The following CPNE1 variants were observed in gnomAD, a reference collection of about 807,000 sequenced individuals.
The protein encoded by CPNE1 is copine 1.
A neutral mutation model predicts 63.2 loss-of-function variants in CPNE1; 58 were observed. The observed-to-expected ratio is 0.92, with a 90% confidence interval of 0.74 to 1.14. CPNE1 has a LOEUF of 1.14. Among genes scored for constraint, CPNE1 ranks in the 50% most tolerant of loss-of-function variants. CPNE1 has a pLI of 0.00. For synonymous variants in CPNE1, 237 were observed against 249.0 expected (o/e 0.95, Z 0.45); for missense variants, 672 against 661.7 (o/e 1.02, Z -0.17).
At chr20:35,630,570 T>C (rs2032055487) in intron 12 of CPNE1, 80 bp from the exon 13 acceptor site, 5 of 1,530,718 alleles carry the variant, frequency 3.3e-6, no homozygotes, top group Non-Finnish European at 1.8e-6. Flanking sequence ...TGTGCCAAGA[T>C]TCCTATAGGA....
At chr20:35,638,965 G>C (rs999669007) in intron 1 of CPNE1, among the ~76,000 whole-genome samples, 2 of 152,124 alleles carry the variant, frequency 1.3e-5, no homozygotes, top group Non-Finnish European at 2.9e-5. Flanking sequence ...CTGAGCAGAG[G>C]CAGAGAGCTC....
chr20:35,650,712 C>G (rs2033446258), intron 1 of CPNE1: 1 of 152,574 alleles, frequency 6.6e-6, no homozygotes, highest in Non-Finnish European at 1.5e-5. Flanking sequence ...ACTGTCAATC[C>G]TCTAAGATTG....
chr20:35,663,055 T>C (rs2034322300), intron 1 of CPNE1, among the ~76,000 whole-genome samples: 2 of 152,236 alleles, frequency 1.3e-5, no homozygotes, highest in East Asian at 1.9e-4. Context: ...ATCTTCATTG[T>C]TTTGTATAAA....
At chr20:35,654,907 G>C in intron 1 of CPNE1, 1 of 1,614,168 alleles carries the variant, frequency 6.2e-7, no homozygotes, top group Non-Finnish European at 8.5e-7. Context: ...TTCATGAACA[G>C]AAGTGGTGGC....
At chr20:35,633,939 A>G in intron 1 of CPNE1, among the ~76,000 whole-genome samples, 1 of 141,740 alleles carries the variant, frequency 7.1e-6, no homozygotes. Context: ...AGCCTGGGCA[A>G]CAAGAGCAAG....
At chr20:35,647,512 T>G (rs1033451775) in intron 1 of CPNE1, 3 of 151,816 alleles carry the variant, frequency 2.0e-5, no homozygotes, top group African/African-American at 7.3e-5. Flanking sequence ...TTCCCAGCAC[T>G]CTTTCCTGCC....
chr20:35,661,714 G>A (rs190041093), intron 1 of CPNE1, among the ~76,000 whole-genome samples: 33 of 152,200 alleles, frequency 2.2e-4, no homozygotes, highest in Admixed American at 2.0e-3. Context: ...TAATCACTTG[G>A]AATTTCAGAA....
intron 1 of CPNE1, among the ~76,000 whole-genome samples, chr20:35,633,797 A>T (rs964305432): frequency 1.3e-5 from 2 of 151,884 alleles, no homozygotes. Flanking sequence ...TACTAAAAAA[A>T]AAAATACAAA....
intron 13 of CPNE1, among the ~76,000 whole-genome samples, chr20:35,628,151 G>A (rs1390972318): frequency 2.0e-5 from 3 of 152,014 alleles, no homozygotes; most frequent in Non-Finnish European, 4.4e-5. Flanking sequence ...CGGGCGTGGT[G>A]GTGGGCGCCT....
chr20:35,637,196 G>T (rs751049345), intron 1 of CPNE1, among the ~76,000 whole-genome samples: 4 of 151,694 alleles, frequency 2.6e-5, no homozygotes, highest in Non-Finnish European at 4.4e-5. Context: ...AGTCTCTTGC[G>T]TCCTGCTTGG....
intron 1 of CPNE1, 27 bp from the exon 2 acceptor site, chr20:35,632,950 A>G (rs1240388704): frequency 4.7e-6 from 4 of 860,166 alleles, no homozygotes; most frequent in Non-Finnish European, 8.1e-6. Context: ...TGGGTCAAGC[A>G]CCAGGGAGCC....
intron 1 of CPNE1, chr20:35,652,497 C>A (rs758012995): frequency 1.3e-6 from 2 of 1,590,012 alleles, no homozygotes; most frequent in South Asian, 2.3e-5. Flanking sequence ...ATATGAAGAT[C>A]TACCCTATAA....
In CPNE1 at chr20:35,627,285, C is replaced by T. The variant is rs775874171; in HGVS notation, c.1231G>A (p.Ala411Thr). Reference protein sequence around the residue: ...FAAQAAHQGTASQYFMLLLLT... With the variant: ...FAAQAAHQGTTSQYFMLLLLT... Reference sequence around the variant, plus strand: ...CTGCCACCCACGACTCTCACCGAGGCAGTCCCCTGATGTGCAGCCTGGGCT... The same window carrying T: ...CTGCCACCCACGACTCTCACCGAGGTAGTCCCCTGATGTGCAGCCTGGGCT... The change falls in exon 14 of 16, where the codon GCC becomes ACC. Residue 411 changes from alanine (A) to threonine (T), a missense_variant. Transcript: ENST00000397443. The T allele has an allele frequency of 6.2e-6, 10 of 1,612,828 alleles. No homozygotes were observed. Among genetic ancestry groups the T allele is most frequent in the Non-Finnish European group, 8.5e-6 (10 of 1,179,478 alleles).
intron 1 of CPNE1, among the ~76,000 whole-genome samples, chr20:35,661,798 C>G (rs1036942435): frequency 3.9e-5 from 6 of 152,342 alleles, no homozygotes; most frequent in African/African-American, 1.4e-4. Context: ...CACTCTTCAT[C>G]TGGTAGTAAA....
At chr20:35,653,412 CTT>C in intron 1 of CPNE1, 1 of 1,614,092 alleles carries the variant, frequency 6.2e-7, no homozygotes, top group Non-Finnish European at 8.5e-7. Flanking sequence ...TCTTTAATCC[CTT>C]TTTTCCTTGG....
rs1286484574 is a variant in CPNE1 at position 35,631,680 on chromosome 20, C to T, written c.627+8G>A. On this transcript the variant is annotated splice_region_variant and intron_variant, in intron 7 of 15. Coordinates refer to ENST00000397443, the MANE Select transcript of CPNE1 (RefSeq NM_152925.3). The stretch of plus-strand genomic sequence containing the variant: ...CAGCGCAGTCCACTTAGGGGGCAAG[C>T]TCCTCACCTGGATGGGTGTGCTGGG... 1 of 1,613,840 alleles carries T rather than the reference C, an allele frequency of 6.2e-7. No homozygotes were observed. The highest frequency in any genetic ancestry group is 1.3e-5 in the African/African-American group (1 of 75,012).
At chr20:35,655,187 C>T (rs772736032) in intron 1 of CPNE1, 7 of 1,614,140 alleles carry the variant, frequency 4.3e-6, no homozygotes, top group East Asian at 2.2e-5. Flanking sequence ...GTGGCAAAAA[C>T]GATGAAAGCC....
chr20:35,650,911 G>A (rs1228156683), intron 1 of CPNE1: 1 of 152,602 alleles, frequency 6.6e-6, no homozygotes, highest in African/African-American at 2.4e-5. Context: ...TGTAGGAAAT[G>A]TTGGGGATGT....
In CPNE1 at chr20:35,651,597, C is replaced by G. The variant is rs1030740252; in HGVS notation, c.-1+13163G>C. ...TTTAAAGGCCAAAATTTCACATAAT[C>G]GGGACAGGAGGAAATTGATACTACA... On this transcript the variant is annotated intron_variant, in intron 1 of 15. Coordinates refer to ENST00000397443, the MANE Select transcript of CPNE1 (RefSeq NM_152925.3). The G allele has an allele frequency of 1.1e-4, 16 of 152,210 alleles. No individual in the cohort carries two copies. The East Asian group carries it at 2.7e-3, about 26-fold the overall frequency. 9.4% of individuals were successfully genotyped at this position (152,210 alleles called of 1,614,324 possible). A position where few individuals can be genotyped will look rare whatever the true frequency, so the allele number is the denominator to read the frequency against.
Sources: gnomAD v4.1 joint callset for allele counts (sites outside exome capture counted in the v4.1 genomes callset) on GRCh38, gnomAD v4.1.1 for gene constraint, MANE v1.5 for transcripts, NCBI Gene and HGNC (gene_info 2026-07-23, HGNC 2026-07-21) for gene names.